The following IL1RAPL2 variants were observed in gnomAD, a reference collection of about 807,000 sequenced individuals.
IL1RAPL2 encodes X-linked interleukin-1 receptor accessory protein-like 2.
Under a neutral mutation model 44.1 loss-of-function variants are expected in IL1RAPL2, and 3 were observed. That is an observed-to-expected ratio of 0.07 (90% CI 0.03 to 0.18). IL1RAPL2 has a LOEUF of 0.18. IL1RAPL2 is among the 10% of genes least tolerant of loss of function. IL1RAPL2 has a pLI of 1.00. For missense variants in IL1RAPL2, 391 were observed against 496.4 expected, an observed-to-expected ratio of 0.79 and a Z score of 2.02; for synonymous variants, 181 against 178.8, an observed-to-expected ratio of 1.01 and a Z score of -0.10.
chrX:105,072,805 A>G, intron 2 of IL1RAPL2, among the ~76,000 whole-genome samples: 1 of 109,879 alleles, frequency 9.1e-6, no homozygotes, highest in Non-Finnish European at 1.9e-5. Context: ...TCACTCCCCA[A>G]CAGGCCCTGG....
chrX:105,636,195 GAAGA>G (rs1425757821), intron 6 of IL1RAPL2, among the ~76,000 whole-genome samples: 1 of 110,910 alleles, frequency 9.0e-6, no homozygotes, highest in African/African-American at 3.3e-5. Context: ...AAATTAGAAA[GAAGA>G]AAGACATTTA....
chrX:104,998,790 CTAGAG>C (rs1429770595), intron 2 of IL1RAPL2, among the ~76,000 whole-genome samples: 1 of 108,750 alleles, frequency 9.2e-6, no homozygotes, highest in African/African-American at 3.3e-5. Flanking sequence ...GGAGAAAATA[CTAGAG>C]TATTTTATTA....
intron 2 of IL1RAPL2, among the ~76,000 whole-genome samples, chrX:105,154,703 C>G (rs1602981786): frequency 9.0e-6 from 1 of 111,247 alleles, no homozygotes; most frequent in African/African-American, 3.3e-5. Context: ...ATCCTCTTTT[C>G]TTGTTCTCCC....
chrX:104,647,908 A>G, intron 1 of IL1RAPL2: 1 of 648,397 alleles, frequency 1.5e-6, no homozygotes. Context: ...TGTGACCAGC[A>G]TCCACATTAT....
At chrX:104,991,127 C>T (rs371101142) in intron 2 of IL1RAPL2, among the ~76,000 whole-genome samples, 1 of 111,396 alleles carries the variant, frequency 9.0e-6, no homozygotes, top group African/African-American at 3.3e-5. Flanking sequence ...ACTCATATAC[C>T]TCCTTACTGT....
At chrX:105,129,139 A>G (rs956150576) in intron 2 of IL1RAPL2, among the ~76,000 whole-genome samples, 7 of 110,921 alleles carry the variant, frequency 6.3e-5, no homozygotes, top group Non-Finnish European at 1.1e-4. Flanking sequence ...TGGGTAATTT[A>G]TAAACAAGAG....
intron 2 of IL1RAPL2, among the ~76,000 whole-genome samples, chrX:104,765,899 A>T (rs761859178): frequency 7.1e-5 from 8 of 112,380 alleles, no homozygotes; most frequent in Non-Finnish European, 1.3e-4. Context: ...CCCCTGAAAA[A>T]TGCTGCCCAT....
At chrX:104,585,354 A>ATATAATATATAT (rs1928528408) in intron 1 of IL1RAPL2, among the ~76,000 whole-genome samples, 2 of 12,151 alleles carry the variant, frequency 1.6e-4, no homozygotes, top group Non-Finnish European at 2.5e-4. Flanking sequence ...TATATATATT[A>ATATAATATATAT]TATATATTAT....
chrX:104,632,478 G>A (rs996797504), intron 1 of IL1RAPL2, among the ~76,000 whole-genome samples: 3 of 111,375 alleles, frequency 2.7e-5, no homozygotes, highest in Admixed American at 9.6e-5. Flanking sequence ...CCATGAGCAT[G>A]GAATGTTCTT....
At position 104,983,481 on chromosome X, in the gene IL1RAPL2, AATATT is replaced by A. The variant is rs1325347960; in HGVS notation, c.83-211987_83-211983del. On this transcript the variant is annotated intron_variant, in intron 2 of 10. Transcript: ENST00000372582. ...TAATATTAGATACATAATATTATAT[AATATT>A]ATATTAGATACATAATATTATATAA... 8.8e-4 allele frequency among the ~76,000 whole-genome samples: 88 copies of A among 100,281 alleles called. 2 individuals are homozygous for A. Among genetic ancestry groups the A allele is most frequent in the Middle Eastern group, 5.4e-3 (1 of 184 alleles). 87.1% of individuals were successfully genotyped at this position (100,281 alleles called of 115,157 possible).
intron 5 of IL1RAPL2, among the ~76,000 whole-genome samples, chrX:105,328,288 T>G (rs752578709): frequency 7.2e-5 from 8 of 111,575 alleles, no homozygotes; most frequent in Non-Finnish European, 9.4e-5. Flanking sequence ...TATTATCAGT[T>G]TTTTTTGAAA....
At chrX:104,857,013 C>A (rs1052558042) in intron 2 of IL1RAPL2, among the ~76,000 whole-genome samples, 1 of 112,146 alleles carries the variant, frequency 8.9e-6, no homozygotes, top group South Asian at 3.7e-4. Flanking sequence ...ATGAAGTTGG[C>A]TGCCTTTTAT....
chrX:104,851,220 GAC>G (rs1922216820), intron 2 of IL1RAPL2, among the ~76,000 whole-genome samples: 3 of 111,721 alleles, frequency 2.7e-5, no homozygotes, highest in Admixed American at 9.5e-5. Context: ...ATCATTTACA[GAC>G]ACATGTAACC....
At chrX:104,716,407 A>G (rs1931567613) in intron 2 of IL1RAPL2, among the ~76,000 whole-genome samples, 1 of 111,780 alleles carries the variant, frequency 8.9e-6, no homozygotes, top group Non-Finnish European at 1.9e-5. Context: ...AGCAATTGCA[A>G]CAAAAGCAAA....
intron 3 of IL1RAPL2, among the ~76,000 whole-genome samples, chrX:105,232,242 C>G (rs2034077544): frequency 9.0e-6 from 1 of 111,586 alleles, no homozygotes; most frequent in Non-Finnish European, 1.9e-5. Flanking sequence ...AGTTTGTAAA[C>G]CCAAGAGGCA....
intron 1 of IL1RAPL2, among the ~76,000 whole-genome samples, chrX:104,641,382 C>T (rs1160564642): frequency 9.0e-6 from 1 of 111,363 alleles, no homozygotes; most frequent in Non-Finnish European, 1.9e-5. Context: ...AGAGATGGTA[C>T]CACCTGTGGT....
chrX:104,848,409 GTATA>G (rs35503754), intron 2 of IL1RAPL2, among the ~76,000 whole-genome samples: 3,316 of 64,459 alleles, frequency 0.051, 80 homozygotes, highest in South Asian at 0.082. Context: ...ATTTTTATCT[GTATA>G]TATATATATA....
In IL1RAPL2 at chrX:104,817,237, A is replaced by G. The variant is rs1921160839; in HGVS notation, c.82+158242A>G. On this transcript the variant is annotated intron_variant, in intron 2 of 10. Coordinates refer to ENST00000372582, the MANE Select transcript of IL1RAPL2 (RefSeq NM_017416.2). ...CTGGAATGGAAGGGTCTTATGAGCT[A>G]CAGCCAAACAAGGTAGGCCAGATAA... 2.7e-5 allele frequency among the ~76,000 whole-genome samples: 3 copies of G among 112,742 alleles called. No individual in the cohort carries two copies. In the South Asian group the frequency reaches 1.1e-3, roughly 41 times the overall value.
chrX:105,714,017 G>A (rs1232893121), intron 6 of IL1RAPL2, among the ~76,000 whole-genome samples: 1 of 111,216 alleles, frequency 9.0e-6, no homozygotes, highest in Non-Finnish European at 1.9e-5. Context: ...GATATTTCTT[G>A]TACCAGATGC....
Sources: allele counts gnomAD v4.1 joint callset (sites outside exome capture counted in the v4.1 genomes callset), GRCh38; gene constraint gnomAD v4.1.1; transcripts MANE v1.5; gene names NCBI Gene and HGNC (gene_info 2026-07-23, HGNC 2026-07-21).